LAMA1: variants seen among roughly 807,000 people sequenced by gnomAD.
LAMA1 encodes laminin subunit alpha-1.
A neutral mutation model predicts 348.7 loss-of-function variants in LAMA1; 219 were observed. That is an observed-to-expected ratio of 0.63 (90% CI 0.56 to 0.70). LAMA1 has a LOEUF of 0.70. Among genes scored for constraint, LAMA1 ranks in the 30% least tolerant of loss-of-function variants. LAMA1 has a pLI of 0.00. For missense variants in LAMA1, 3,744 were observed against 3,888.0 expected, an observed-to-expected ratio of 0.96 and a Z score of 0.99; for synonymous variants, 1,487 against 1,491.0, an observed-to-expected ratio of 1.00 and a Z score of 0.06.
intron 12 of LAMA1, among the ~76,000 whole-genome samples, chr18:7,037,263 T>C (rs926837637): frequency 1.3e-5 from 2 of 152,098 alleles, no homozygotes; most frequent in Non-Finnish European, 2.9e-5. Flanking sequence ...AAAGCGGGAA[T>C]GTGAGGAACA....
chr18:7,006,399 C>T (rs2057832074), intron 29 of LAMA1, among the ~76,000 whole-genome samples: 1 of 141,760 alleles, frequency 7.1e-6, no homozygotes, highest in African/African-American at 2.5e-5. Flanking sequence ...AAGGAGAGGG[C>T]AATACTTTAC....
chr18:7,101,998 G>A (rs1459753509), intron 1 of LAMA1, among the ~76,000 whole-genome samples: 1 of 151,890 alleles, frequency 6.6e-6, no homozygotes, highest in Non-Finnish European at 1.5e-5. Flanking sequence ...TGACCAAAGG[G>A]TTATTTTCTT....
Position 7,049,117 on chromosome 18 carries a change from G to A in LAMA1, c.729C>T (p.His243=). 1 of 1,614,112 alleles carries A rather than the reference G, an allele frequency of 6.2e-7. No homozygotes were observed. The highest frequency in any genetic ancestry group is 1.1e-5 in the South Asian group (1 of 91,070). The change falls in exon 5 of 63, where the codon CAC becomes CAT. Residue 243 remains histidine (H), a synonymous_variant. Transcript: ENST00000389658. The stretch of plus-strand genomic sequence containing the variant: ...TAGGATCCAGTTCTTTAGGTTCCCG[G>A]TGGCTAAGGGTCATGAGATCTGCAT... ...TLNADLMTLS[H]REPKELDPIV... is the part of the protein sequence containing the mutation.
intron 1 of LAMA1, among the ~76,000 whole-genome samples, chr18:7,098,942 C>A (rs542730552): frequency 3.9e-5 from 6 of 151,924 alleles, no homozygotes; most frequent in Admixed American, 6.5e-5. Flanking sequence ...CCCCTCTGCC[C>A]GGCCACCACC....
At chr18:6,951,273 G>A (rs1164265573) in intron 57 of LAMA1, among the ~76,000 whole-genome samples, 2 of 152,188 alleles carry the variant, frequency 1.3e-5, no homozygotes, top group East Asian at 1.9e-4. Flanking sequence ...AGGCCAACCA[G>A]TGGCTACCTT....
At chr18:7,029,474 A>C (rs686750) in intron 16 of LAMA1, among the ~76,000 whole-genome samples, 3 of 152,198 alleles carry the variant, frequency 2.0e-5, no homozygotes, top group African/African-American at 7.2e-5. Context: ...GAACATGTCT[A>C]TGGTATGTTT....
At position 7,051,871 on chromosome 18, in the gene LAMA1, T is replaced by C. The variant is rs184293156; in HGVS notation, c.346-935A>G. Among the ~76,000 whole-genome samples, 296 of 152,304 alleles carry C rather than the reference T, an allele frequency of 1.9e-3. 2 individuals are homozygous for C. Among genetic ancestry groups the C allele is most frequent in the African/African-American group, 6.7e-3 (278 of 41,578 alleles). ...CTCTTTGGAAAATAGTTTGGCAGTT[T>C]CTTACAAAACTAAACATGCTCACCA... On this transcript the variant is annotated intron_variant, in intron 3 of 62. Coordinates refer to ENST00000389658, the MANE Select transcript of LAMA1 (RefSeq NM_005559.4).
intron 48 of LAMA1, among the ~76,000 whole-genome samples, chr18:6,970,534 G>A (rs2057653312): frequency 6.6e-6 from 1 of 152,098 alleles, no homozygotes; most frequent in Non-Finnish European, 1.5e-5. Flanking sequence ...ATTTTGGTGG[G>A]GGACCTGGGC....
intron 7 of LAMA1, 46 bp downstream of exon 7, chr18:7,044,676 A>T (rs765643594): frequency 7.0e-7 from 1 of 1,433,566 alleles, no homozygotes; most frequent in Non-Finnish European, 9.8e-7. Flanking sequence ...CTTGGGACGT[A>T]TTAAGAGGAA....
chr18:6,983,909 G>A (rs1210348639), intron 39 of LAMA1, among the ~76,000 whole-genome samples: 6 of 152,074 alleles, frequency 3.9e-5, no homozygotes, highest in South Asian at 2.1e-4. Flanking sequence ...TTATTGAGTC[G>A]GGCAATTCCC....
chr18:7,055,528 AG>A (rs981549620), intron 3 of LAMA1, among the ~76,000 whole-genome samples: 1 of 150,380 alleles, frequency 6.6e-6, no homozygotes, highest in African/African-American at 2.4e-5. Context: ...TTGGGAAGGA[AG>A]TTGTTAATTT....
chr18:7,114,104 AAGAGACTACACAGATTTTCAGGAG>A (rs1196492498), intron 1 of LAMA1, among the ~76,000 whole-genome samples: 2 of 151,964 alleles, frequency 1.3e-5, no homozygotes. Flanking sequence ...AAAAAAGGGA[AAGAGACTACACAGATTTTCAGGAG>A]GTAAAATCAA....
chr18:6,943,475 G>C, intron 61 of LAMA1, 73 bp from the exon 62 acceptor site: 1 of 1,217,710 alleles, frequency 8.2e-7, no homozygotes. Context: ...TCTTGGAGTA[G>C]ATAAAATTGC....
In LAMA1 at chr18:6,972,618, T is replaced by C. The variant is rs563870257; in HGVS notation, c.6774+439A>G. ...CCAGCCTAACTCTGCAGAGGAACTG[T>C]CAGAAAGCAAAACAAAAGCAGAAAC... On this transcript the variant is annotated intron_variant, in intron 47 of 62. Coordinates refer to ENST00000389658, the MANE Select transcript of LAMA1 (RefSeq NM_005559.4). Among the ~76,000 whole-genome samples, 5 of 152,332 alleles carry C rather than the reference T, an allele frequency of 3.3e-5. No homozygotes were observed. The South Asian group carries it at 1.0e-3, about 32-fold the overall frequency.
chr18:6,996,095 C>T (rs1048699194), intron 33 of LAMA1, among the ~76,000 whole-genome samples: 4 of 151,772 alleles, frequency 2.6e-5, no homozygotes, highest in Non-Finnish European at 2.9e-5. Context: ...TTATACTGAT[C>T]GTGTATATAG....
At chr18:7,103,139 C>T (rs913192817) in intron 1 of LAMA1, among the ~76,000 whole-genome samples, 2 of 152,186 alleles carry the variant, frequency 1.3e-5, no homozygotes, top group East Asian at 3.9e-4. Context: ...GGAGGCCGGC[C>T]AGGCACGGTG....
At chr18:7,033,723 T>G (rs184415937) in intron 14 of LAMA1, among the ~76,000 whole-genome samples, 277 of 147,256 alleles carry the variant, frequency 1.9e-3, no homozygotes, top group African/African-American at 6.8e-3. Context: ...ATGCTATGTT[T>G]GTGTTAGATG....
intron 5 of LAMA1, among the ~76,000 whole-genome samples, chr18:7,047,791 C>A (rs1399190653): frequency 6.6e-6 from 1 of 151,836 alleles, no homozygotes; most frequent in African/African-American, 2.4e-5. Flanking sequence ...GCATTCTCAA[C>A]AAATGGTGCT....
chr18:6,994,072 AC>A lies in LAMA1; in HGVS notation c.4897-321del, dbSNP rs1430812771. On this transcript the variant is annotated intron_variant, in intron 34 of 62. Transcript: ENST00000389658. Reference sequence around the variant, plus strand: ...GTGAGGGCCCTCGATTCACTTTAAAACCCAAATATACAGAATATAGAAAGTA... The same window carrying A: ...GTGAGGGCCCTCGATTCACTTTAAAACCAAATATACAGAATATAGAAAGTA... Among the ~76,000 whole-genome samples the A allele has an allele frequency of 5.3e-5, 8 of 152,248 alleles. No individual in the cohort carries two copies. In the East Asian group the frequency reaches 1.4e-3, roughly 26 times the overall value.
Sources: allele counts gnomAD v4.1 joint callset (sites outside exome capture counted in the v4.1 genomes callset), GRCh38; gene constraint gnomAD v4.1.1; transcripts MANE v1.5; gene names NCBI Gene and HGNC (gene_info 2026-07-23, HGNC 2026-07-21).